The following PLCB1 variants were observed in gnomAD, a reference collection of about 807,000 sequenced individuals.
The protein encoded by PLCB1 is 1-phosphatidylinositol 4,5-bisphosphate phosphodiesterase beta-1.
PLCB1 carries 46 observed loss-of-function variants against 161.8 expected under a neutral mutation model. The ratio of observed to expected loss-of-function variants is 0.28; its 90% CI spans 0.22 to 0.36. PLCB1 has a LOEUF of 0.36. Among genes scored for constraint, PLCB1 ranks in the 10% least tolerant of loss-of-function variants. The pLI is 1.00. For synonymous variants in PLCB1, 517 were observed against 503.7 expected, an observed-to-expected ratio of 1.03 and a Z score of -0.35; for missense variants, 1,016 against 1,472.5, an observed-to-expected ratio of 0.69 and a Z score of 5.07.
At chr20:8,838,677 G>A (rs768146628) in intron 31 of PLCB1, among the ~76,000 whole-genome samples, 1 of 152,198 alleles carries the variant, frequency 6.6e-6, no homozygotes, top group Non-Finnish European at 1.5e-5. Flanking sequence ...CTGAAGGATG[G>A]CAGAGATTAG....
intron 3 of PLCB1, among the ~76,000 whole-genome samples, chr20:8,404,021 T>C (rs1412327469): frequency 1.3e-5 from 2 of 152,104 alleles, no homozygotes; most frequent in Non-Finnish European, 2.9e-5. Flanking sequence ...GCTTGCTTTT[T>C]GGCTCATAAG....
At chr20:8,414,827 T>C (rs1308413866) in intron 3 of PLCB1, among the ~76,000 whole-genome samples, 20 of 152,166 alleles carry the variant, frequency 1.3e-4, no homozygotes, top group Admixed American at 1.3e-3. Flanking sequence ...GTGGCTGCCT[T>C]ATGGGAAAGC....
At chr20:8,681,306 G>C (rs373564858) in intron 9 of PLCB1, among the ~76,000 whole-genome samples, 10 of 151,550 alleles carry the variant, frequency 6.6e-5, no homozygotes, top group African/African-American at 2.2e-4. Context: ...CTGTACCCAA[G>C]GCAGACATCA....
At chr20:8,325,753 C>A (rs572264010) in intron 2 of PLCB1, among the ~76,000 whole-genome samples, 1 of 152,196 alleles carries the variant, frequency 6.6e-6, no homozygotes, top group Non-Finnish European at 1.5e-5. Flanking sequence ...TCTGGCTGTT[C>A]CTGAGGAGTT....
chr20:8,846,459 T>C (rs1313931925), intron 31 of PLCB1, among the ~76,000 whole-genome samples: 2 of 152,126 alleles, frequency 1.3e-5, no homozygotes, highest in Non-Finnish European at 2.9e-5. Flanking sequence ...TTAATATGCA[T>C]GCTAATCAAC....
intron 2 of PLCB1, among the ~76,000 whole-genome samples, chr20:8,329,179 A>C (rs1485071841): frequency 1.3e-5 from 2 of 152,228 alleles, no homozygotes; most frequent in African/African-American, 4.8e-5. Context: ...GAATTGAAAC[A>C]AATTCCAGCC....
chr20:8,695,206 A>AG (rs1231444076), intron 10 of PLCB1, among the ~76,000 whole-genome samples: 2 of 152,202 alleles, frequency 1.3e-5, no homozygotes, highest in Non-Finnish European at 2.9e-5. Flanking sequence ...TGCATTTACC[A>AG]GGGCTCTATA....
intron 3 of PLCB1, among the ~76,000 whole-genome samples, chr20:8,378,563 G>A (rs1328907313): frequency 6.6e-6 from 1 of 152,188 alleles, no homozygotes; most frequent in African/African-American, 2.4e-5. Context: ...AAGTCACAGA[G>A]GGTCTTGCCT....
At chr20:8,388,082 A>G (rs536054593) in intron 3 of PLCB1, among the ~76,000 whole-genome samples, 2 of 151,884 alleles carry the variant, frequency 1.3e-5, no homozygotes, top group Admixed American at 6.6e-5. Flanking sequence ...TATTTCATGG[A>G]GGAAATCAAA....
intron 7 of PLCB1, among the ~76,000 whole-genome samples, chr20:8,654,913 T>C (rs144979391): frequency 3.5e-4 from 54 of 152,206 alleles, no homozygotes; most frequent in African/African-American, 1.3e-3. Flanking sequence ...CATTTAATGA[T>C]GCTTACTTAT....
At chr20:8,665,601 C>T (rs1989791500) in intron 9 of PLCB1, among the ~76,000 whole-genome samples, 1 of 151,886 alleles carries the variant, frequency 6.6e-6, no homozygotes, top group South Asian at 2.1e-4. Flanking sequence ...TTTTCTATAC[C>T]TTTTTATTAA....
chr20:8,179,779 G>C (rs892155035), intron 2 of PLCB1, among the ~76,000 whole-genome samples: 1 of 150,064 alleles, frequency 6.7e-6, no homozygotes, highest in African/African-American at 2.5e-5. Context: ...AATATTGACT[G>C]TGGGTTTTTC....
At chr20:8,404,630 T>C (rs2122487535) in intron 3 of PLCB1, among the ~76,000 whole-genome samples, 1 of 152,346 alleles carries the variant, frequency 6.6e-6, no homozygotes, top group East Asian at 1.9e-4. Flanking sequence ...TGTCTCAAAA[T>C]GATATGGTGG....
chr20:8,382,738 G>A (rs1210655051), intron 3 of PLCB1, among the ~76,000 whole-genome samples: 1 of 151,744 alleles, frequency 6.6e-6, no homozygotes, highest in Non-Finnish European at 1.5e-5. Context: ...TAGTAGAGAC[G>A]GGGTTTCACC....
At chr20:8,233,300 A>C (rs1333526093) in intron 2 of PLCB1, among the ~76,000 whole-genome samples, 2 of 152,196 alleles carry the variant, frequency 1.3e-5, no homozygotes, top group Admixed American at 6.5e-5. Context: ...TACAGTGAGA[A>C]ATGGATATAC....
intron 31 of PLCB1, among the ~76,000 whole-genome samples, chr20:8,842,018 C>A (rs566254498): frequency 1.1e-4 from 17 of 151,290 alleles, no homozygotes; most frequent in African/African-American, 4.1e-4. Context: ...TGTTAATAAT[C>A]TTTGCCTATA....
chr20:8,240,279 G>GACACACAC (rs10683042), intron 2 of PLCB1, among the ~76,000 whole-genome samples: 46 of 149,674 alleles, frequency 3.1e-4, no homozygotes, highest in African/African-American at 4.7e-4. Context: ...TCATGATATT[G>GACACACAC]ACACACACAC....
intron 2 of PLCB1, among the ~76,000 whole-genome samples, chr20:8,356,586 C>T (rs6039150): frequency 3.4e-4 from 52 of 152,064 alleles, no homozygotes; most frequent in African/African-American, 1.2e-3. Context: ...AAAATAATGC[C>T]GAAAGACATA....
intron 2 of PLCB1, among the ~76,000 whole-genome samples, chr20:8,288,191 A>G (rs1271864014): frequency 6.6e-6 from 1 of 152,156 alleles, no homozygotes; most frequent in East Asian, 1.9e-4. Flanking sequence ...CCAGATGCCA[A>G]TATGAACTAA....
Sources: allele counts gnomAD v4.1 joint callset (sites outside exome capture counted in the v4.1 genomes callset), GRCh38; gene constraint gnomAD v4.1.1; transcripts MANE v1.5; gene names NCBI Gene and HGNC (gene_info 2026-07-23, HGNC 2026-07-21).